Variants in SLC48A1 observed in about 807,000 individuals in gnomAD.
SLC48A1 encodes heme transporter HRG1.
A neutral mutation model predicts 14.8 loss-of-function variants in SLC48A1; 6 were observed. The ratio of observed to expected loss-of-function variants is 0.41; its 90% CI spans 0.22 to 0.80. The LOEUF (loss-of-function observed/expected upper bound fraction) is 0.80. Among genes scored for constraint, SLC48A1 ranks in the 30% least tolerant of loss-of-function variants. The pLI is 0.34. For synonymous variants in SLC48A1, 89 were observed against 90.0 expected (o/e 0.99, Z 0.06); for missense variants, 165 against 204.8 (o/e 0.81, Z 1.19).
chr12:47,780,099 A>C (rs1401780368), intron 2 of SLC48A1, 46 bp from the exon 3 acceptor site: 1 of 1,491,674 alleles, frequency 6.7e-7, no homozygotes, highest in Non-Finnish European at 9.0e-7. Context: ...GCAGAGGCCG[A>C]GGGCAGGGCC....
chr12:47,777,170 G>A lies in SLC48A1; in HGVS notation c.137-1858G>A, dbSNP rs760740616. Among the ~76,000 whole-genome samples, 10 of 152,220 alleles carry A rather than the reference G, an allele frequency of 6.6e-5. No individual in the cohort carries two copies. The highest frequency in any genetic ancestry group is 1.3e-4 in the Admixed American group (2 of 15,284). Reference sequence around the variant, plus strand: ...TGGCTGGTATAAAAATCCAGATCTTGTAGGAGGTAAGAGGAAGCTGCAGGA... The same window carrying A: ...TGGCTGGTATAAAAATCCAGATCTTATAGGAGGTAAGAGGAAGCTGCAGGA... On this transcript the variant is annotated intron_variant, in intron 1 of 2. Transcript: ENST00000442218. The surrounding 1 kb of genome is among the most constrained non-coding windows in gnomAD (Gnocchi z 4.5).
In SLC48A1 at chr12:47,780,865, C is replaced by T. The variant is rs746594073; in HGVS notation, c.*584C>T. On this transcript the variant is annotated 3_prime_UTR_variant, in exon 3 of 3. Coordinates refer to ENST00000442218, the MANE Select transcript of SLC48A1 (RefSeq NM_017842.3). The stretch of plus-strand genomic sequence containing the variant: ...TATAGGTGTGAGCCACCGTGCCCGG[C>T]CTGGATCTGTTTTCTTAGCACGCAG... 2.3e-5 allele frequency: 12 copies of T among 529,896 alleles called. No individual in the cohort carries two copies. Among genetic ancestry groups the T allele is most frequent in the Middle Eastern group, 4.4e-4 (1 of 2,256 alleles). The allele number at this position is 529,896 out of a possible 1,614,324, so 32.8% of individuals were successfully genotyped here. A position where few individuals can be genotyped will look rare whatever the true frequency, so the allele number is the denominator to read the frequency against.
At chr12:47,779,470 G>C (rs908941430) in intron 2 of SLC48A1, among the ~76,000 whole-genome samples, 3 of 152,198 alleles carry the variant, frequency 2.0e-5, no homozygotes, top group Non-Finnish European at 2.9e-5. Flanking sequence ...TCAGCTCTGG[G>C]ATGGGAGCGC....
rs1220464532 is a variant in SLC48A1 at position 47,780,224 on chromosome 12, C to T, written c.384C>T (p.Leu128=). The T allele has an allele frequency of 1.5e-5, 25 of 1,614,140 alleles. No individual in the cohort carries two copies. The highest frequency in any genetic ancestry group is 1.6e-4 in the Middle Eastern group (1 of 6,084). The change falls in exon 3 of 3, where the codon CTC becomes CTT. Residue 128 remains leucine (L), a synonymous_variant. Transcript: ENST00000442218. The part of the protein sequence containing the change: ...ISFKWAFLLS[L]YAHRYRADFA... ...TCAAGTGGGCCTTCCTGCTCAGCCTCTATGCCCACCGCTACCGGGCTGACT... is the reference window on the plus strand; with the variant it reads ...TCAAGTGGGCCTTCCTGCTCAGCCTTTATGCCCACCGCTACCGGGCTGACT...
At chr12:47,762,177 T>G (rs896733076) in intron 2 of SLC48A1, among the ~76,000 whole-genome samples, 2 of 151,930 alleles carry the variant, frequency 1.3e-5, no homozygotes, top group Non-Finnish European at 2.9e-5. Flanking sequence ...CCTCCCCCAT[T>G]CCCTTCAAGC....
chr12:47,763,887 C>A (rs561443798), intron 2 of SLC48A1, among the ~76,000 whole-genome samples: 5 of 152,322 alleles, frequency 3.3e-5, no homozygotes, highest in African/African-American at 9.6e-5. Context: ...GAGGCACATT[C>A]CTCTGGCTGG....
intron 2 of SLC48A1, among the ~76,000 whole-genome samples, chr12:47,761,454 G>A (rs1004218665): frequency 6.6e-6 from 1 of 152,236 alleles, no homozygotes; most frequent in East Asian, 1.9e-4. Context: ...ATAGGGAGTA[G>A]ATCTTTTATG....
chr12:47,773,733 C>T (rs1263691837), intron 1 of SLC48A1, among the ~76,000 whole-genome samples: 1 of 152,234 alleles, frequency 6.6e-6, no homozygotes, highest in Non-Finnish European at 1.5e-5. Flanking sequence ...GGCACACTGC[C>T]TGTCGCCCTC....
chr12:47,758,025 G>T (rs528361073), upstream of SLC48A1: 2 of 1,576,640 alleles, frequency 1.3e-6, no homozygotes, highest in Non-Finnish European at 1.7e-6. Context: ...CCAGAGCTGG[G>T]CTATCCTCCA....
At chr12:47,761,314 C>A (rs1038191849) in intron 2 of SLC48A1, among the ~76,000 whole-genome samples, 1 of 152,190 alleles carries the variant, frequency 6.6e-6, no homozygotes, top group Non-Finnish European at 1.5e-5. Context: ...CAACCCACTC[C>A]CCCACCTATG....
chr12:47,754,251 C>CT (rs1343225911), upstream of SLC48A1, among the ~76,000 whole-genome samples: 3 of 152,258 alleles, frequency 2.0e-5, no homozygotes, highest in African/African-American at 7.2e-5. Context: ...GTTTCCTCAG[C>CT]TTTGTGCTAT....
rs183253683 is a variant in SLC48A1 at position 47,764,969 on chromosome 12, C to T, written c.-187+4568C>T. Among the ~76,000 whole-genome samples, 330 of 150,576 alleles carry T rather than the reference C, an allele frequency of 2.2e-3. 2 individuals carry two copies. The highest frequency in any genetic ancestry group is 4.2e-3 in the Admixed American group (63 of 15,114). The stretch of plus-strand genomic sequence containing the variant: ...GTGTGTGCCTATAGTCCAAGCTACT[C>T]GGGAGGCTGAGGCAGGAGAATCGCT... On this transcript the variant is annotated intron_variant, in intron 2 of 4. Coordinates refer to the SLC48A1 transcript ENST00000547002.
chr12:47,769,478 A>C (rs1018348757), upstream of SLC48A1: 5 of 152,258 alleles, frequency 3.3e-5, no homozygotes, highest in African/African-American at 1.2e-4. Flanking sequence ...TCACTGGATA[A>C]GATCTTAATT....
rs1292499072 is a variant in SLC48A1 at position 47,763,145 on chromosome 12, G to A, written c.-187+2744G>A. ...GCCTGTAGCCTCAGCAGGGTGGAAG[G>A]GAGAGGAGCTAGTTTCCCAGTTCAA... On this transcript the variant is annotated intron_variant, in intron 2 of 4. Coordinates refer to the SLC48A1 transcript ENST00000547002. 3.3e-5 allele frequency among the ~76,000 whole-genome samples: 5 copies of A among 152,120 alleles called. No individual in the cohort carries two copies. The East Asian group carries it at 9.6e-4, about 29-fold the overall frequency.
upstream of SLC48A1, among the ~76,000 whole-genome samples, chr12:47,772,996 C>T (rs1942657992): frequency 1.3e-5 from 2 of 152,126 alleles, no homozygotes; most frequent in South Asian, 2.1e-4. Flanking sequence ...GGCATATTTC[C>T]GGTCCCTTCC....
intron 2 of SLC48A1, among the ~76,000 whole-genome samples, chr12:47,763,002 A>G (rs1341796076): frequency 1.3e-5 from 2 of 152,182 alleles, no homozygotes; most frequent in African/African-American, 4.8e-5. Context: ...CCCTAATACA[A>G]TAATCTGATT....
intron 1 of SLC48A1, among the ~76,000 whole-genome samples, chr12:47,774,255 T>G (rs1003880302): frequency 6.6e-6 from 1 of 152,218 alleles, no homozygotes; most frequent in Non-Finnish European, 1.5e-5. Context: ...ATAGAATTGG[T>G]ATGAAGATGA....
intron 2 of SLC48A1, among the ~76,000 whole-genome samples, chr12:47,763,833 G>A (rs550728859): frequency 4.6e-5 from 7 of 152,226 alleles, no homozygotes; most frequent in Non-Finnish European, 8.8e-5. Flanking sequence ...GCTGGGAGCT[G>A]CAGGAAGTTG....
upstream of SLC48A1, chr12:47,758,570 C>T: frequency 3.7e-6 from 6 of 1,613,996 alleles, no homozygotes; most frequent in Non-Finnish European, 5.1e-6. Flanking sequence ...TCTTTTCAAG[C>T]TCGCACAGCC....
Sources: gnomAD v4.1 joint callset for allele counts (sites outside exome capture counted in the v4.1 genomes callset) on GRCh38, gnomAD v4.1.1 for gene constraint, Gnocchi (gnomAD v3.1) non-coding constraint, MANE v1.5 for transcripts, NCBI Gene and HGNC (gene_info 2026-07-23, HGNC 2026-07-21) for gene names.